Variants in LRBA observed in about 807,000 individuals in gnomAD.
LRBA encodes LPS responsive beige-like anchor protein, also known as lipopolysaccharide-responsive and beige-like anchor protein.
A neutral mutation model predicts 330.0 loss-of-function variants in LRBA; 176 were observed. That is an observed-to-expected ratio of 0.53 (90% CI 0.47 to 0.60). The LOEUF (loss-of-function observed/expected upper bound fraction) is 0.60. Among genes scored for constraint, LRBA ranks in the 20% least tolerant of loss-of-function variants. The pLI is 0.00. For missense variants in LRBA, 3,259 were observed against 3,444.8 expected (o/e 0.95, Z 1.35); for synonymous variants, 1,230 against 1,193.0 (o/e 1.03, Z -0.64).
chr4:150,337,121 T>C (rs1226250269), intron 48 of LRBA, among the ~76,000 whole-genome samples: 1 of 152,144 alleles, frequency 6.6e-6, no homozygotes, highest in Non-Finnish European at 1.5e-5. Flanking sequence ...ATTTTCACAT[T>C]AAGAAGGTTA....
At chr4:150,558,455 T>C (rs1393182639) in intron 40 of LRBA, among the ~76,000 whole-genome samples, 10 of 152,222 alleles carry the variant, frequency 6.6e-5, no homozygotes, top group Admixed American at 1.3e-4. Flanking sequence ...TGACTTTGAC[T>C]ATTGAGAGCT....
chr4:150,862,678 T>TA (rs56261716), intron 22 of LRBA, among the ~76,000 whole-genome samples: 97,531 of 139,954 alleles, frequency 0.7, 38,590 homozygotes, highest in Non-Finnish European at 0.9. Context: ...AAGTATAATT[T>TA]AAAAAAAAAA....
intron 37 of LRBA, among the ~76,000 whole-genome samples, chr4:150,653,059 C>A (rs1779848244): frequency 6.6e-6 from 1 of 152,022 alleles, no homozygotes; most frequent in African/African-American, 2.4e-5. Flanking sequence ...TTAAAAAGAA[C>A]TGGCCAGGCA....
chr4:150,867,972 G>A lies in LRBA; in HGVS notation c.2574-109C>T. On this transcript the variant is annotated intron_variant, in intron 21 of 56. Coordinates refer to ENST00000651943, the MANE Select transcript of LRBA (RefSeq NM_001364905.1). ...TGCCCCTCCCTTTCCCCCCGAAAAA[G>A]AAACACATTTAGTTATACATTAAGA... 4.0e-6 allele frequency: 4 copies of A among 994,508 alleles called. No homozygotes were observed. In the South Asian group the frequency reaches 7.3e-5, roughly 18 times the overall value. 61.6% of individuals were successfully genotyped at this position (994,508 alleles called of 1,614,324 possible). A position where few individuals can be genotyped will look rare whatever the true frequency, so the allele number is the denominator to read the frequency against.
intron 20 of LRBA, among the ~76,000 whole-genome samples, chr4:150,868,625 CA>C (rs1189270681): frequency 5.9e-5 from 9 of 151,798 alleles, no homozygotes; most frequent in African/African-American, 2.2e-4. Context: ...TGAGATATAC[CA>C]AATAGTAAAG....
chr4:150,533,986 C>T (rs1294133328), intron 40 of LRBA, among the ~76,000 whole-genome samples: 3 of 152,158 alleles, frequency 2.0e-5, no homozygotes, highest in African/African-American at 4.8e-5. Flanking sequence ...CACAGACCCA[C>T]ATCAAGTATC....
rs1312005637 is a variant in LRBA at position 150,639,777 on chromosome 4, ATATATGTG to A, written c.5922-40654_5922-40647del. Among the ~76,000 whole-genome samples, 6 of 3,952 alleles carry A rather than the reference ATATATGTG, an allele frequency of 1.5e-3. 1 individual carries two copies. The highest frequency in any genetic ancestry group is 6.2e-3 in the African/African-American group (6 of 962). 2.6% of individuals were successfully genotyped at this position (3,952 alleles called of 152,430 possible). On this transcript the variant is annotated intron_variant, in intron 37 of 56. Coordinates refer to ENST00000651943, the MANE Select transcript of LRBA (RefSeq NM_001364905.1). ...TATATATATATATATATATATATATATATATGTGTGTGTGTATATATATATATATGTGT... is the reference window on the plus strand; with the variant it reads ...TATATATATATATATATATATATATATGTGTGTATATATATATATATGTGT...
At chr4:150,653,940 A>G (rs940989702) in intron 37 of LRBA, among the ~76,000 whole-genome samples, 2 of 152,172 alleles carry the variant, frequency 1.3e-5, no homozygotes, top group Admixed American at 1.3e-4. Flanking sequence ...CAATAGCAAT[A>G]CTACTACTAA....
intron 48 of LRBA, among the ~76,000 whole-genome samples, chr4:150,347,231 GTTA>G (rs886833558): frequency 1.3e-5 from 2 of 152,204 alleles, no homozygotes; most frequent in African/African-American, 4.8e-5. Flanking sequence ...GGAATGAGGA[GTTA>G]TTGTTTAATG....
intron 47 of LRBA, among the ~76,000 whole-genome samples, chr4:150,365,929 T>G (rs772485246): frequency 5.3e-5 from 8 of 152,162 alleles, no homozygotes; most frequent in Non-Finnish European, 7.4e-5. Flanking sequence ...CTTAAACATT[T>G]TCATGTAACT....
At chr4:150,317,868 T>C (rs1020219477) in intron 50 of LRBA, among the ~76,000 whole-genome samples, 2 of 152,148 alleles carry the variant, frequency 1.3e-5, no homozygotes, top group African/African-American at 2.4e-5. Context: ...CCATATGAAA[T>C]TGCCAATAAC....
At chr4:150,714,364 T>C (rs943209577) in intron 36 of LRBA, among the ~76,000 whole-genome samples, 1 of 152,198 alleles carries the variant, frequency 6.6e-6, no homozygotes, top group Non-Finnish European at 1.5e-5. Flanking sequence ...ATATGGGAAG[T>C]AAATTTTTTA....
chr4:150,457,043 T>G (rs189659460), intron 44 of LRBA, among the ~76,000 whole-genome samples: 1 of 152,198 alleles, frequency 6.6e-6, no homozygotes, highest in Non-Finnish European at 1.5e-5. Flanking sequence ...TTCAACGGGA[T>G]GTGTATCCCA....
chr4:150,304,260 CA>C (rs1267809738), intron 52 of LRBA, among the ~76,000 whole-genome samples: 1 of 151,854 alleles, frequency 6.6e-6, no homozygotes, highest in Non-Finnish European at 1.5e-5. Context: ...TTTAACTTTT[CA>C]AGATAATAAA....
rs763235657 is a variant in LRBA, at chr4:150,302,830, A to C, written c.7850-38T>G. 4 of 1,486,188 alleles carry C rather than the reference A, an allele frequency of 2.7e-6. No individual in the cohort carries two copies. The Admixed American group carries it at 8.3e-5, about 31-fold the overall frequency. 92.1% of individuals were successfully genotyped at this position (1,486,188 alleles called of 1,614,324 possible). On this transcript the variant is annotated intron_variant, in intron 52 of 56. Coordinates refer to ENST00000651943, the MANE Select transcript of LRBA (RefSeq NM_001364905.1). The stretch of plus-strand genomic sequence containing the variant: ...ACAATTTTCTTTAAAAATGCTATTA[A>C]AAAAATAAAAATTCTAGTGAACAGA...
intron 34 of LRBA, among the ~76,000 whole-genome samples, chr4:150,771,816 T>C (rs191453822): frequency 6.6e-6 from 1 of 152,268 alleles, no homozygotes; most frequent in African/African-American, 2.4e-5. Flanking sequence ...GCCACCTTGT[T>C]CATGAGCTCA....
chr4:150,485,542 T>C (rs1757775251), intron 42 of LRBA, among the ~76,000 whole-genome samples: 3 of 151,958 alleles, frequency 2.0e-5, no homozygotes, highest in South Asian at 4.2e-4. Flanking sequence ...GCTGGTGTCT[T>C]TGTAAAAGAG....
intron 2 of LRBA, among the ~76,000 whole-genome samples, chr4:150,968,194 G>C (rs906721197): frequency 6.6e-6 from 1 of 151,992 alleles, no homozygotes; most frequent in African/African-American, 2.4e-5. Flanking sequence ...AGTAGGGATG[G>C]GGTTTCACCA....
At chr4:150,708,839 G>A (rs1015324162) in intron 36 of LRBA, among the ~76,000 whole-genome samples, 14 of 151,794 alleles carry the variant, frequency 9.2e-5, no homozygotes, top group African/African-American at 3.4e-4. Context: ...TCTTAAGTTG[G>A]GGTATACATA....
Sources: gnomAD v4.1 joint callset for allele counts (sites outside exome capture counted in the v4.1 genomes callset) on GRCh38, gnomAD v4.1.1 for gene constraint, MANE v1.5 for transcripts, NCBI Gene and HGNC (gene_info 2026-07-23, HGNC 2026-07-21) for gene names.